The following LRRIQ1 variants were observed in gnomAD, a reference collection of about 807,000 sequenced individuals.
The protein encoded by LRRIQ1 is leucine-rich repeat- and IQ domain-containing protein 1.
LRRIQ1 carries 210 observed loss-of-function variants against 211.9 expected under a neutral mutation model. The observed-to-expected ratio is 0.99, with a 90% CI of 0.89 to 1.11. The LOEUF (loss-of-function observed/expected upper bound fraction) is 1.11, where lower values mean the gene tolerates loss of function less well. Among genes scored for constraint, LRRIQ1 ranks in the 50% most tolerant of loss-of-function variants. The probability of loss-of-function intolerance (pLI) is 0.00; values close to 1 mark genes in which losing one functional copy is unlikely to be tolerated. For missense variants in LRRIQ1, 2,136 were observed against 1,939.5 expected, an observed-to-expected ratio of 1.10 and a Z score of -1.90; for synonymous variants, 699 against 650.1, an observed-to-expected ratio of 1.08 and a Z score of -1.14.
At chr12:85,156,920 A>G (rs1454850268) in intron 23 of LRRIQ1, among the ~76,000 whole-genome samples, 1 of 151,882 alleles carries the variant, frequency 6.6e-6, no homozygotes, top group Non-Finnish European at 1.5e-5. Context: ...AATGGAGCAC[A>G]ATTGCAAGAA....
chr12:85,152,581 CTTTA>C (rs1369096755), intron 20 of LRRIQ1, among the ~76,000 whole-genome samples: 2 of 151,486 alleles, frequency 1.3e-5, no homozygotes, highest in African/African-American at 2.4e-5. Context: ...TCTTTCAACA[CTTTA>C]TTTCACAGTA....
At position 85,151,132 on chromosome 12, in the gene LRRIQ1, GAT is replaced by G. The variant is rs146775979; in HGVS notation, c.4330-1135_4330-1134del. Among the ~76,000 whole-genome samples the G allele has an allele frequency of 5.0e-3, 752 of 149,706 alleles. 3 individuals are homozygous for G. Among genetic ancestry groups the G allele is most frequent in the African/African-American group, 0.017 (677 of 41,014 alleles). On this transcript the variant is annotated intron_variant, in intron 19 of 26. Transcript: ENST00000393217. ...TATATATTAAACCATATATAACTAT[GAT>G]ATATATATATATGTATATGTTAATA...
intron 17 of LRRIQ1, 44 bp downstream of exon 17, chr12:85,124,563 T>A (rs746284620): frequency 7.1e-7 from 1 of 1,414,616 alleles, no homozygotes. Flanking sequence ...GTATGTTTAC[T>A]CCTTTTGATG....
chr12:85,195,508 G>C (rs564950868), intron 24 of LRRIQ1, among the ~76,000 whole-genome samples: 1 of 152,176 alleles, frequency 6.6e-6, no homozygotes, highest in South Asian at 2.1e-4. Flanking sequence ...TGGGATGCAA[G>C]GCTGGTTCAA....
intron 7 of LRRIQ1, 102 bp downstream of exon 7, chr12:85,052,353 A>G (rs577318865): frequency 1.6e-5 from 9 of 568,378 alleles, no homozygotes; most frequent in South Asian, 6.8e-5. Flanking sequence ...CCTAAGTAGT[A>G]TAAGATTTTA....
intron 13 of LRRIQ1, among the ~76,000 whole-genome samples, chr12:85,102,105 T>G (rs1037304745): frequency 6.6e-6 from 1 of 151,632 alleles, no homozygotes; most frequent in African/African-American, 2.4e-5. Context: ...GTACATTTAT[T>G]AAAATTTTAT....
chr12:85,079,901 T>TTA (rs1185818307), intron 11 of LRRIQ1, among the ~76,000 whole-genome samples: 33 of 152,246 alleles, frequency 2.2e-4, no homozygotes, highest in Middle Eastern at 3.4e-3. Context: ...AATGGTAGTA[T>TTA]TATTATGTAA....
chr12:85,103,252 G>A (rs1413360168), intron 13 of LRRIQ1, among the ~76,000 whole-genome samples: 1 of 150,534 alleles, frequency 6.6e-6, no homozygotes, highest in African/African-American at 2.4e-5. Context: ...TTTAAATGGA[G>A]GAAAATTAAT....
intron 11 of LRRIQ1, among the ~76,000 whole-genome samples, chr12:85,083,566 A>G (rs889768496): frequency 2.0e-5 from 3 of 151,712 alleles, no homozygotes; most frequent in Non-Finnish European, 4.4e-5. Flanking sequence ...CAGCCTCCCG[A>G]GTAGCTGGGA....
At chr12:85,090,009 C>T (rs1262225080) in intron 11 of LRRIQ1, among the ~76,000 whole-genome samples, 2 of 152,220 alleles carry the variant, frequency 1.3e-5, no homozygotes, top group Admixed American at 1.3e-4. Flanking sequence ...GGCCCCACTG[C>T]CCTGTGTGGC....
intron 18 of LRRIQ1, among the ~76,000 whole-genome samples, chr12:85,130,634 G>C (rs1452704219): frequency 6.6e-6 from 1 of 152,046 alleles, no homozygotes; most frequent in Non-Finnish European, 1.5e-5. Flanking sequence ...TCATTGAAGT[G>C]AACTCCATTT....
At chr12:85,228,425 C>T (rs1894773816) in intron 24 of LRRIQ1, among the ~76,000 whole-genome samples, 1 of 152,044 alleles carries the variant, frequency 6.6e-6, no homozygotes, top group African/African-American at 2.4e-5. Context: ...AAGAGTTGGC[C>T]TAAGTTCAGG....
At chr12:85,043,829 A>G (rs189987747) in intron 3 of LRRIQ1, among the ~76,000 whole-genome samples, 6 of 152,202 alleles carry the variant, frequency 3.9e-5, no homozygotes, top group East Asian at 1.9e-4. Flanking sequence ...TTAATCCTCT[A>G]CTATACACTC....
the LRRIQ1 span, among the ~76,000 whole-genome samples, chr12:85,272,558 A>G: frequency 6.6e-6 from 1 of 152,174 alleles, no homozygotes; most frequent in African/African-American, 2.4e-5. Context: ...TCACAAAGAA[A>G]TGGAAATAAA....
rs1331827710 is a variant in LRRIQ1 at position 85,245,080 on chromosome 12, CA to C, written c.*143del. 3 of 1,292,946 alleles carry C rather than the reference CA, an allele frequency of 2.3e-6. No homozygotes were observed. In the African/African-American group the frequency reaches 4.6e-5, roughly 20 times the overall value. 80.1% of individuals were successfully genotyped at this position (1,292,946 alleles called of 1,614,324 possible). ...TTTAAATATCCTCTTTTGATATAAA[CA>C]AAATTAAATTATTTCTAAAATTAAC... On this transcript the variant is annotated 3_prime_UTR_variant, in exon 27 of 27. Coordinates refer to ENST00000393217, the MANE Select transcript of LRRIQ1 (RefSeq NM_001079910.2).
chr12:85,263,244 C>A (rs764814663), exon 2 of LRRIQ1: 2 of 206,270 alleles, frequency 9.7e-6, no homozygotes, highest in Non-Finnish European at 1.7e-5. Flanking sequence ...TGTAGTTTTG[C>A]ATTTCTTCCT....
intron 13 of LRRIQ1, among the ~76,000 whole-genome samples, chr12:85,102,955 A>ATAT (rs1555207722): frequency 3.0e-4 from 36 of 119,398 alleles, no homozygotes; most frequent in African/African-American, 1.2e-3. Context: ...AAAAAAAAAA[A>ATAT]AAAAATATAT....
the LRRIQ1 span, among the ~76,000 whole-genome samples, chr12:85,272,035 C>G: frequency 4.6e-5 from 7 of 152,032 alleles, no homozygotes; most frequent in Admixed American, 4.6e-4. Flanking sequence ...TGGTGTTCAC[C>G]TCTAGAACTA....
At chr12:85,040,415 T>C in intron 2 of LRRIQ1, 75 bp from the exon 3 acceptor site, 1 of 772,142 alleles carries the variant, frequency 1.3e-6, no homozygotes, top group Non-Finnish European at 2.0e-6. Context: ...TGCTGTGGAA[T>C]GAAGGGTCCA....
Sources: allele counts gnomAD v4.1 joint callset (sites outside exome capture counted in the v4.1 genomes callset), GRCh38; gene constraint gnomAD v4.1.1; transcripts MANE v1.5; gene names NCBI Gene and HGNC (gene_info 2026-07-23, HGNC 2026-07-21).